The following PDE1C variants were observed in gnomAD, a reference collection of about 807,000 sequenced individuals.
PDE1C encodes dual specificity calcium/calmodulin-dependent 3',5'-cyclic nucleotide phosphodiesterase 1C.
Under a neutral mutation model 93.1 loss-of-function variants are expected in PDE1C, and 62 were observed. The ratio of observed to expected loss-of-function variants is 0.67; its 90% CI spans 0.54 to 0.82. The LOEUF (loss-of-function observed/expected upper bound fraction) is 0.82. PDE1C is among the 40% of genes least tolerant of loss of function. PDE1C has a pLI of 0.00. For synonymous variants in PDE1C, 325 were observed against 310.1 expected, an observed-to-expected ratio of 1.05 and a Z score of -0.50; for missense variants, 742 against 884.6, an observed-to-expected ratio of 0.84 and a Z score of 2.04.
chr7:32,024,216 G>A (rs1320824101), intron 2 of PDE1C, among the ~76,000 whole-genome samples: 2 of 151,934 alleles, frequency 1.3e-5, no homozygotes, highest in Non-Finnish European at 2.9e-5. Flanking sequence ...AGGAAACAGG[G>A]AGGAAGGTGT....
At chr7:32,125,295 T>G (rs1376838382) in intron 3 of PDE1C, among the ~76,000 whole-genome samples, 1 of 152,222 alleles carries the variant, frequency 6.6e-6, no homozygotes, top group Non-Finnish European at 1.5e-5. Flanking sequence ...TCAATAATTA[T>G]GGAAGACAGT....
intron 17 of PDE1C, among the ~76,000 whole-genome samples, chr7:31,756,816 T>G (rs868818523): frequency 6.6e-6 from 1 of 151,940 alleles, no homozygotes; most frequent in African/African-American, 2.4e-5. Context: ...AATAACTAGG[T>G]GAAAGTGCAA....
chr7:31,924,196 T>C (rs918664319), intron 2 of PDE1C, among the ~76,000 whole-genome samples: 1 of 152,224 alleles, frequency 6.6e-6, no homozygotes, highest in Admixed American at 6.5e-5. Flanking sequence ...ATGGATTTCC[T>C]TCATTCTCTT....
intron 2 of PDE1C, among the ~76,000 whole-genome samples, chr7:31,891,501 T>C (rs17160644): frequency 0.021 from 3,157 of 152,336 alleles, 99 homozygotes; most frequent in African/African-American, 0.072. Flanking sequence ...GTAATCATCC[T>C]AATTATCAGA....
At chr7:31,892,664 C>G (rs945305664) in intron 2 of PDE1C, among the ~76,000 whole-genome samples, 2 of 150,908 alleles carry the variant, frequency 1.3e-5, no homozygotes, top group East Asian at 3.8e-4. Context: ...TGTTCTGCTT[C>G]TAAAAGTTTG....
intron 1 of PDE1C, among the ~76,000 whole-genome samples, chr7:32,417,945 A>G (rs560361993): frequency 6.6e-6 from 1 of 152,296 alleles, no homozygotes; most frequent in South Asian, 2.1e-4. Context: ...AAAATATTAT[A>G]AAATGTACTT....
the PDE1C span, among the ~76,000 whole-genome samples, chr7:31,640,724 C>G: frequency 2.6e-5 from 4 of 151,942 alleles, no homozygotes; most frequent in African/African-American, 9.7e-5. Flanking sequence ...ATTACTACAG[C>G]TTTCCAGAAG....
At chr7:31,842,624 T>C (rs1379373464) in intron 9 of PDE1C, among the ~76,000 whole-genome samples, 1 of 152,120 alleles carries the variant, frequency 6.6e-6, no homozygotes, top group Non-Finnish European at 1.5e-5. Flanking sequence ...TAGGATATAC[T>C]GTTGGTACTT....
At position 32,309,487 on chromosome 7, in the gene PDE1C, G is replaced by A. The variant is rs565125672; in HGVS notation, c.311-99948C>T. 7.9e-5 allele frequency among the ~76,000 whole-genome samples: 12 copies of A among 152,228 alleles called. No individual in the cohort carries two copies. In the South Asian group the frequency reaches 2.3e-3, roughly 29 times the overall value. On this transcript the variant is annotated intron_variant, in intron 1 of 1. Coordinates refer to the PDE1C transcript ENST00000672256. ...TTGAAATGAAGGAAAAAATGTTAAG[G>A]GCAGCCAGAGAGAAAGGTCGGGTTA...
downstream of PDE1C, among the ~76,000 whole-genome samples, chr7:31,750,432 GATGTCAT>G (rs1394663579): frequency 6.6e-6 from 1 of 152,192 alleles, no homozygotes; most frequent in African/African-American, 2.4e-5. Flanking sequence ...TTATCTACCT[GATGTCAT>G]GGAATTAGTA....
At chr7:31,756,849 T>C (rs1583940963) in intron 17 of PDE1C, among the ~76,000 whole-genome samples, 1 of 152,340 alleles carries the variant, frequency 6.6e-6, no homozygotes, top group East Asian at 1.9e-4. Context: ...AGTTGAACCC[T>C]TGCTCACTGG....
At chr7:32,279,787 G>A (rs562181265) in intron 1 of PDE1C, among the ~76,000 whole-genome samples, 10 of 151,518 alleles carry the variant, frequency 6.6e-5, no homozygotes, top group African/African-American at 2.4e-4. Context: ...CTATAAACTC[G>A]GGTCAAAAAA....
the PDE1C span, among the ~76,000 whole-genome samples, chr7:31,634,471 C>T: frequency 1.3e-5 from 2 of 152,044 alleles, no homozygotes. Flanking sequence ...CATTACTTTC[C>T]CTATGAGGGG....
rs576990615 is a variant in PDE1C at position 31,968,541 on chromosome 7, A to T, written c.128+83013T>A. Among the ~76,000 whole-genome samples the T allele has an allele frequency of 2.0e-4, 30 of 152,270 alleles. No homozygotes were observed. The East Asian group carries it at 5.8e-3, about 29-fold the overall frequency. On this transcript the variant is annotated intron_variant, in intron 2 of 17. Coordinates refer to ENST00000396191, the MANE Select transcript of PDE1C (RefSeq NM_001191057.4). Reference sequence around the variant, plus strand: ...TGAAAATGGCCATACTGCCCAAGGTAATTTATAGATTCAATGCCATCCCCA... The same window carrying T: ...TGAAAATGGCCATACTGCCCAAGGTTATTTATAGATTCAATGCCATCCCCA...
chr7:31,687,609 A>G, the PDE1C span, among the ~76,000 whole-genome samples: 2 of 152,232 alleles, frequency 1.3e-5, no homozygotes, highest in African/African-American at 2.4e-5. Flanking sequence ...GGCTGGGGAA[A>G]GTACAGAAAG....
At chr7:32,299,759 T>A (rs867508890), upstream of PDE1C, among the ~76,000 whole-genome samples, 1 of 152,170 alleles carries the variant, frequency 6.6e-6, no homozygotes, top group African/African-American at 2.4e-5. Flanking sequence ...TAGGCAAGGC[T>A]TACACTGGGA....
intron 2 of PDE1C, among the ~76,000 whole-genome samples, chr7:31,981,910 C>T (rs544272741): frequency 8.5e-5 from 13 of 152,326 alleles, no homozygotes; most frequent in African/African-American, 3.1e-4. Flanking sequence ...ATTCTCTGAG[C>T]ATGGTTTACA....
At chr7:32,181,986 G>T (rs1803473623) in intron 2 of PDE1C, among the ~76,000 whole-genome samples, 1 of 152,292 alleles carries the variant, frequency 6.6e-6, no homozygotes, top group East Asian at 1.9e-4. Context: ...CAATCCCACA[G>T]AAATACAAAC....
At chr7:31,662,138 C>G in the PDE1C span, among the ~76,000 whole-genome samples, 1 of 152,154 alleles carries the variant, frequency 6.6e-6, no homozygotes, top group Admixed American at 6.6e-5. Context: ...TGATATTGTT[C>G]AAGGGCACCC....
Sources: allele counts gnomAD v4.1 joint callset (sites outside exome capture counted in the v4.1 genomes callset), GRCh38; gene constraint gnomAD v4.1.1; transcripts MANE v1.5; gene names NCBI Gene and HGNC (gene_info 2026-07-23, HGNC 2026-07-21).